Variants in TRAK1 observed in about 807,000 individuals in gnomAD.
TRAK1 encodes the protein trafficking kinesin protein 1.
Under a neutral mutation model 92.1 loss-of-function variants are expected in TRAK1, and 33 were observed. The observed-to-expected ratio is 0.36, with a 90% CI of 0.27 to 0.48. The LOEUF (loss-of-function observed/expected upper bound fraction) is 0.48. TRAK1 is among the 20% of genes least tolerant of loss of function. The pLI is 0.99. For synonymous variants in TRAK1, 521 were observed against 517.3 expected, an observed-to-expected ratio of 1.01 and a Z score of -0.10; for missense variants, 1,123 against 1,257.9, an observed-to-expected ratio of 0.89 and a Z score of 1.62.
chr3:42,203,297 G>A, intron 13 of TRAK1: 2 of 995,278 alleles, frequency 2.0e-6, no homozygotes, highest in Non-Finnish European at 2.4e-6. Flanking sequence ...GGCAGATGCA[G>A]TATGTTCTGA....
At chr3:42,091,690 G>T (rs1705089758) in intron 1 of TRAK1, 130 bp downstream of exon 1, 1 of 836,276 alleles carries the variant, frequency 1.2e-6, no homozygotes, top group Admixed American at 3.1e-5. Flanking sequence ...TGGTCATGTG[G>T]TAGAGAAATT....
chr3:42,161,123 G>A (rs1348563847), intron 2 of TRAK1, among the ~76,000 whole-genome samples: 2 of 152,116 alleles, frequency 1.3e-5, no homozygotes, highest in East Asian at 1.9e-4. Flanking sequence ...GCCCACTGCC[G>A]GCTCTCTTAA....
At chr3:42,129,078 C>A (rs1463770292) in intron 2 of TRAK1, among the ~76,000 whole-genome samples, 2 of 152,190 alleles carry the variant, frequency 1.3e-5, no homozygotes, top group Non-Finnish European at 2.9e-5. Flanking sequence ...AAAGCTTTCT[C>A]CTGAGGAAAG....
intron 1 of TRAK1, among the ~76,000 whole-genome samples, chr3:42,079,985 T>C (rs1416617179): frequency 6.6e-6 from 1 of 152,064 alleles, no homozygotes; most frequent in Non-Finnish European, 1.5e-5. Flanking sequence ...CTGCCCTCTT[T>C]TGTACTTCCT....
chr3:42,221,462 G>C (rs1259111330), intron 15 of TRAK1, among the ~76,000 whole-genome samples: 1 of 152,258 alleles, frequency 6.6e-6, no homozygotes, highest in African/African-American at 2.4e-5. Context: ...TAGCTTGTAC[G>C]TTGCTTTGAA....
intron 6 of TRAK1, among the ~76,000 whole-genome samples, chr3:42,189,678 A>G (rs1384330840): frequency 2.0e-5 from 3 of 151,962 alleles, no homozygotes; most frequent in Admixed American, 6.6e-5. Context: ...CTACAGACGC[A>G]TGCCACCATG....
rs1232620962 is a variant in TRAK1, at chr3:42,073,071, C to T, written c.-518-14033C>T. Reference sequence around the variant, plus strand: ...GGACAGACACGCATGACAGCATGCACGTGCAGCCCCCAGTCCACATACAAG... The same window carrying T: ...GGACAGACACGCATGACAGCATGCATGTGCAGCCCCCAGTCCACATACAAG... On this transcript the variant is annotated intron_variant, in intron 1 of 16. Transcript: ENST00000487159. 3.9e-5 allele frequency among the ~76,000 whole-genome samples: 6 copies of T among 152,204 alleles called. No homozygotes were observed. The South Asian group carries it at 8.3e-4, about 21-fold the overall frequency.
intron 1 of TRAK1, among the ~76,000 whole-genome samples, chr3:42,044,999 A>G (rs1702697861): frequency 1.3e-5 from 2 of 152,050 alleles, no homozygotes; most frequent in South Asian, 2.1e-4. Flanking sequence ...AGGAAATTGG[A>G]TGTGGCAATT....
intron 1 of TRAK1, among the ~76,000 whole-genome samples, chr3:42,105,509 T>G (rs1470632318): frequency 2.0e-5 from 3 of 152,080 alleles, no homozygotes; most frequent in African/African-American, 7.2e-5. Flanking sequence ...CCAAGAAATA[T>G]GGGACTATGT....
intron 2 of TRAK1, among the ~76,000 whole-genome samples, chr3:42,163,688 C>T (rs960291949): frequency 6.6e-6 from 1 of 152,088 alleles, no homozygotes; most frequent in Non-Finnish European, 1.5e-5. Context: ...GATTCCAATG[C>T]ACATTGTCCT....
chr3:42,209,129 C>G (rs1167805130), intron 13 of TRAK1, among the ~76,000 whole-genome samples: 1 of 152,194 alleles, frequency 6.6e-6, no homozygotes, highest in East Asian at 1.9e-4. Context: ...TTAAATCACA[C>G]CTCTTTAACC....
At chr3:42,199,379 A>G in intron 11 of TRAK1, 126 bp downstream of exon 11, 1 of 836,132 alleles carries the variant, frequency 1.2e-6, no homozygotes, top group Non-Finnish European at 1.9e-6. Context: ...TTCCCAGTCC[A>G]GATTAAGGGA....
intron 6 of TRAK1, among the ~76,000 whole-genome samples, chr3:42,190,027 G>A (rs1198205253): frequency 6.6e-6 from 1 of 152,126 alleles, no homozygotes; most frequent in Non-Finnish European, 1.5e-5. Context: ...GCTGCTAGGT[G>A]TTTTGATAAC....
chr3:42,162,138 A>T (rs1266660341), intron 2 of TRAK1, among the ~76,000 whole-genome samples: 3 of 152,200 alleles, frequency 2.0e-5, no homozygotes, highest in African/African-American at 4.8e-5. Flanking sequence ...GCAAGATTTT[A>T]AAAATACCAG....
In TRAK1 at chr3:42,189,081, A is replaced by G; in HGVS notation, c.647A>G (p.Lys216Arg). The change falls in exon 6 of 16, where the codon AAG becomes AGG. Residue 216 changes from lysine (K) to arginine (R), a missense_variant. Physicochemically the swap from Lys to Arg is conservative, Grantham distance 26. Around this residue, in one of 3 missense-constraint regions of TRAK1, gnomAD observed 686 missense variants for 747.6 expected, o/e 0.92. Coordinates refer to ENST00000327628, the MANE Select transcript of TRAK1 (RefSeq NM_001042646.3). ...TTTCATTTGGATTCTCTTCAAAAGA[A>G]GCTGAAAGACCTTGAAGAGGAGAAT... ...NYFHLDSLQKKLKDLEEENVV... is the reference protein window; with the variant it reads ...NYFHLDSLQKRLKDLEEENVV... The G allele has an allele frequency of 6.2e-7, 1 of 1,614,206 alleles. No homozygotes were observed. Among genetic ancestry groups the G allele is most frequent in the Non-Finnish European group, 8.5e-7 (1 of 1,180,010 alleles).
intron 14 of TRAK1, 86 bp from the exon 15 acceptor site, chr3:42,219,408 G>C: frequency 6.2e-7 from 1 of 1,606,574 alleles, no homozygotes; most frequent in Admixed American, 1.7e-5. Context: ...ATCACTTCTT[G>C]CATCTGTTGA....
intron 2 of TRAK1, among the ~76,000 whole-genome samples, chr3:42,151,975 A>G (rs1455411332): frequency 6.6e-6 from 1 of 152,216 alleles, no homozygotes; most frequent in South Asian, 2.1e-4. Flanking sequence ...ACTGACTCAC[A>G]CTTAAATTGC....
At chr3:42,095,337 A>G (rs1348859415) in intron 1 of TRAK1, among the ~76,000 whole-genome samples, 1 of 152,220 alleles carries the variant, frequency 6.6e-6, no homozygotes, top group African/African-American at 2.4e-5. Flanking sequence ...CTTGAGGTTT[A>G]GACCCGGCAG....
At chr3:42,066,602 G>A (rs1703692597) in intron 1 of TRAK1, among the ~76,000 whole-genome samples, 1 of 151,976 alleles carries the variant, frequency 6.6e-6, no homozygotes, top group Admixed American at 6.6e-5. Flanking sequence ...CTTAGCTTAG[G>A]CACGGCTCAG....
Sources: allele counts gnomAD v4.1 joint callset (sites outside exome capture counted in the v4.1 genomes callset), GRCh38; gene constraint gnomAD v4.1.1; regional missense constraint gnomAD v4.1.1; transcripts MANE v1.5; gene names NCBI Gene and HGNC (gene_info 2026-07-23, HGNC 2026-07-21).